The following TMEM117 variants were observed in gnomAD, a reference collection of about 807,000 sequenced individuals.
The protein encoded by TMEM117 is transmembrane protein 117.
A neutral mutation model predicts 52.4 loss-of-function variants in TMEM117; 27 were observed. That is an observed-to-expected ratio of 0.51 (90% CI 0.38 to 0.71). The LOEUF is 0.71. Among genes scored for constraint, TMEM117 ranks in the 30% least tolerant of loss-of-function variants. TMEM117 has a pLI of 0.00. For synonymous variants in TMEM117, 215 were observed against 206.3 expected (o/e 1.04, Z -0.36); for missense variants, 556 against 630.5 (o/e 0.88, Z 1.26).
chr12:44,395,130 C>A, the TMEM117 span, among the ~76,000 whole-genome samples: 1 of 152,142 alleles, frequency 6.6e-6, no homozygotes, highest in Non-Finnish European at 1.5e-5. Flanking sequence ...AAAGATAACT[C>A]TAACAATTAC....
At chr12:44,053,072 C>T (rs1407602104) in intron 3 of TMEM117, among the ~76,000 whole-genome samples, 1 of 152,100 alleles carries the variant, frequency 6.6e-6, no homozygotes, top group Non-Finnish European at 1.5e-5. Context: ...AACTGGGTGT[C>T]CTACAATTCA....
intron 3 of TMEM117, among the ~76,000 whole-genome samples, chr12:44,137,188 C>T (rs1201545520): frequency 6.6e-6 from 1 of 151,148 alleles, no homozygotes; most frequent in African/African-American, 2.4e-5. Context: ...TTAAAATACT[C>T]TGGGAAAATG....
intron 5 of TMEM117, chr12:44,244,582 A>G (rs1406189313): frequency 2.6e-5 from 4 of 151,816 alleles, no homozygotes; most frequent in Non-Finnish European, 4.4e-5. Flanking sequence ...TGAGTTCTTT[A>G]TATACTTTAG....
At chr12:44,105,323 T>C (rs1033657754) in intron 3 of TMEM117, among the ~76,000 whole-genome samples, 1 of 152,016 alleles carries the variant, frequency 6.6e-6, no homozygotes, top group Admixed American at 6.6e-5. Context: ...ATTTTTAAAT[T>C]ATTTCTATCT....
chr12:43,944,756 A>G (rs1945101798), intron 3 of TMEM117, among the ~76,000 whole-genome samples: 1 of 152,050 alleles, frequency 6.6e-6, no homozygotes, highest in African/African-American at 2.4e-5. Flanking sequence ...TACAGGAGGC[A>G]TTTTCTTTAA....
At chr12:44,011,898 T>A (rs1368827088) in intron 3 of TMEM117, among the ~76,000 whole-genome samples, 1 of 152,184 alleles carries the variant, frequency 6.6e-6, no homozygotes, top group African/African-American at 2.4e-5. Flanking sequence ...TATAAACATA[T>A]ATACACTGGA....
At chr12:44,183,863 C>T (rs149050637) in intron 4 of TMEM117, among the ~76,000 whole-genome samples, 2,056 of 152,162 alleles carry the variant, frequency 0.014, 23 homozygotes, top group Non-Finnish European at 0.022. Context: ...TGACTACTTC[C>T]CTCACATTTC....
At chr12:44,148,510 A>G (rs901770299) in intron 4 of TMEM117, among the ~76,000 whole-genome samples, 12 of 152,168 alleles carry the variant, frequency 7.9e-5, no homozygotes, top group Admixed American at 6.5e-4. Context: ...AACTGTGTCT[A>G]TTTTATGTAT....
chr12:43,817,930 T>A, the TMEM117 span, among the ~76,000 whole-genome samples: 1 of 152,150 alleles, frequency 6.6e-6, no homozygotes, highest in African/African-American at 2.4e-5. Flanking sequence ...TTAAAAAATA[T>A]AAAGAAACAA....
chr12:43,975,857 G>T (rs1945662804), intron 3 of TMEM117, among the ~76,000 whole-genome samples: 1 of 152,136 alleles, frequency 6.6e-6, no homozygotes, highest in African/African-American at 2.4e-5. Context: ...AAGCATTATG[G>T]CTTTAGGATG....
rs572460602 is a variant in TMEM117, at chr12:44,278,840, A to G, written c.609-20740A>G. Among the ~76,000 whole-genome samples, 6 of 152,306 alleles carry G rather than the reference A, an allele frequency of 3.9e-5. No homozygotes were observed. In the East Asian group the frequency reaches 1.2e-3, roughly 29 times the overall value. On this transcript the variant is annotated intron_variant, in intron 5 of 7. Coordinates refer to ENST00000266534, the MANE Select transcript of TMEM117 (RefSeq NM_032256.3). ...TAGGCAGATGTATCCACTTCCTCAC[A>G]ACACAATGGTGTTAATTCCTGCTAA...
chr12:44,324,515 T>A (rs933260099), intron 6 of TMEM117, among the ~76,000 whole-genome samples: 2 of 152,066 alleles, frequency 1.3e-5, no homozygotes, highest in Non-Finnish European at 2.9e-5. Flanking sequence ...GGTACTACAT[T>A]AAAAATGTGT....
chr12:44,309,526 A>T (rs1327188291), intron 6 of TMEM117, among the ~76,000 whole-genome samples: 1 of 152,140 alleles, frequency 6.6e-6, no homozygotes, highest in Non-Finnish European at 1.5e-5. Context: ...CAATGAAAAC[A>T]CTACTGGACT....
At chr12:43,973,203 C>T (rs1039286586) in intron 3 of TMEM117, among the ~76,000 whole-genome samples, 3 of 152,092 alleles carry the variant, frequency 2.0e-5, no homozygotes, top group African/African-American at 7.2e-5. Flanking sequence ...TGTGACACCT[C>T]CTTTGTTTTT....
At chr12:44,348,562 C>A (rs1160808294) in intron 6 of TMEM117, among the ~76,000 whole-genome samples, 2 of 151,932 alleles carry the variant, frequency 1.3e-5, no homozygotes, top group Non-Finnish European at 2.9e-5. Flanking sequence ...TATCTCAGAA[C>A]TGTACATTTT....
At chr12:44,014,078 C>G (rs1006578456) in intron 3 of TMEM117, among the ~76,000 whole-genome samples, 4 of 152,110 alleles carry the variant, frequency 2.6e-5, no homozygotes, top group Non-Finnish European at 5.9e-5. Context: ...AGACTTGTGT[C>G]CTTTTCACGG....
chr12:43,927,785 C>T (rs949377863), intron 2 of TMEM117, among the ~76,000 whole-genome samples: 2 of 151,994 alleles, frequency 1.3e-5, no homozygotes, highest in African/African-American at 4.8e-5. Flanking sequence ...TTACTTCCAA[C>T]ACTTCTGCAT....
intron 4 of TMEM117, among the ~76,000 whole-genome samples, chr12:44,168,584 T>C (rs531670935): frequency 6.6e-6 from 1 of 152,216 alleles, no homozygotes; most frequent in Non-Finnish European, 1.5e-5. Flanking sequence ...TGTGTCGGGC[T>C]ATTCTAAATA....
the TMEM117 span, among the ~76,000 whole-genome samples, chr12:43,813,097 C>T: frequency 6.6e-6 from 1 of 151,914 alleles, no homozygotes; most frequent in East Asian, 1.9e-4. Context: ...CCCAAGAGCA[C>T]TTTTCTGTTT....
Sources: allele counts gnomAD v4.1 joint callset (sites outside exome capture counted in the v4.1 genomes callset), GRCh38; gene constraint gnomAD v4.1.1; transcripts MANE v1.5; gene names NCBI Gene and HGNC (gene_info 2026-07-23, HGNC 2026-07-21).